MTMR12: variants seen among roughly 807,000 people sequenced by gnomAD.
MTMR12 encodes myotubularin related protein 12.
In MTMR12, 33 loss-of-function variants were observed where a neutral mutation model predicts 96.7. That is an observed-to-expected ratio of 0.34 (90% CI 0.26 to 0.46). MTMR12 has a LOEUF of 0.46. MTMR12 is among the 20% of genes least tolerant of loss of function. The pLI, the probability that MTMR12 is intolerant of heterozygous loss-of-function variation, is 1.00. For missense variants in MTMR12, 721 were observed against 896.1 expected (o/e 0.80, Z 2.49); for synonymous variants, 298 against 327.2 (o/e 0.91, Z 0.96).
intron 7 of MTMR12, among the ~76,000 whole-genome samples, chr5:32,261,764 G>C (rs1443165707): frequency 6.6e-6 from 1 of 152,170 alleles, no homozygotes; most frequent in African/African-American, 2.4e-5. Flanking sequence ...ATGAATAAAA[G>C]AAGTGCTCAA....
chr5:32,292,656 G>A (rs1750777561), intron 1 of MTMR12, among the ~76,000 whole-genome samples: 1 of 152,182 alleles, frequency 6.6e-6, no homozygotes, highest in Non-Finnish European at 1.5e-5. Flanking sequence ...GTATTACCAT[G>A]CCCTGCAATT....
intron 7 of MTMR12, among the ~76,000 whole-genome samples, chr5:32,261,094 G>A (rs1458804920): frequency 1.1e-4 from 17 of 151,474 alleles, no homozygotes; most frequent in Non-Finnish European, 1.5e-4. Context: ...TTAGTGGGGC[G>A]TGGTGGCAGG....
intron 10 of MTMR12, among the ~76,000 whole-genome samples, chr5:32,245,809 C>A (rs1382702083): frequency 6.6e-6 from 1 of 151,770 alleles, no homozygotes; most frequent in African/African-American, 2.4e-5. Context: ...GCCTGGGCAA[C>A]AGAGTGAGAA....
intron 12 of MTMR12, among the ~76,000 whole-genome samples, chr5:32,240,421 G>C (rs1205645259): frequency 6.7e-6 from 1 of 148,526 alleles, no homozygotes. Flanking sequence ...AAAAAGGAAT[G>C]AATTGTAACT....
At chr5:32,259,663 A>G (rs900643711) in intron 7 of MTMR12, among the ~76,000 whole-genome samples, 7 of 152,208 alleles carry the variant, frequency 4.6e-5, no homozygotes, top group Admixed American at 4.6e-4. Flanking sequence ...CATTGCAGGA[A>G]GCGCTGTGAA....
chr5:32,242,569 G>A (rs1225919002), intron 11 of MTMR12, among the ~76,000 whole-genome samples: 1 of 151,858 alleles, frequency 6.6e-6, no homozygotes, highest in African/African-American at 2.4e-5. Flanking sequence ...CTCTCTACAC[G>A]TTATTCCCTT....
At chr5:32,303,812 C>A (rs1751237529) in intron 1 of MTMR12, among the ~76,000 whole-genome samples, 1 of 117,762 alleles carries the variant, frequency 8.5e-6, no homozygotes, top group African/African-American at 3.3e-5. Context: ...GTTCTCTTGT[C>A]AATGGCTACA....
intron 13 of MTMR12, among the ~76,000 whole-genome samples, chr5:32,235,424 C>G (rs373587643): frequency 1.2e-4 from 19 of 152,326 alleles, no homozygotes; most frequent in African/African-American, 3.8e-4. Flanking sequence ...TAATAGAAAA[C>G]ACTAACTTAG....
At chr5:32,274,199 C>T in intron 2 of MTMR12, 77 bp from the exon 3 acceptor site, 8 of 1,507,940 alleles carry the variant, frequency 5.3e-6, no homozygotes, top group Non-Finnish European at 7.2e-6. Flanking sequence ...GCTTTCCAGC[C>T]CTATTTACAT....
intron 10 of MTMR12, 97 bp downstream of exon 10, chr5:32,247,905 G>GT (rs2112019977): frequency 2.0e-6 from 3 of 1,506,028 alleles, no homozygotes; most frequent in Non-Finnish European, 2.7e-6. Flanking sequence ...GCGTACTAAC[G>GT]TAAGGAACCC....
chr5:32,228,619 T>TATATATATATATCACATATATATG lies in MTMR12; in HGVS notation c.*1158_*1159insCATATATATGTGATATATATATAT, dbSNP rs1561727873. 1 of 129,972 alleles carries TATATATATATATCACATATATATG rather than the reference T, an allele frequency of 7.7e-6. No individual in the cohort carries two copies. The highest frequency in any genetic ancestry group is 1.6e-5 in the Non-Finnish European group (1 of 61,096). The allele number at this position is 129,972 out of a possible 1,614,324, so 8.1% of individuals were successfully genotyped here. The stretch of plus-strand genomic sequence containing the variant: ...ATATATATATATATCATATATATGA[T>TATATATATATATCACATATATATG]ATATATATATCACATATATATCATA... On this transcript the variant is annotated 3_prime_UTR_variant, in exon 16 of 16. Coordinates refer to ENST00000382142, the MANE Select transcript of MTMR12 (RefSeq NM_001040446.3).
intron 8 of MTMR12, among the ~76,000 whole-genome samples, chr5:32,250,256 G>C (rs1466614792): frequency 6.6e-6 from 1 of 152,050 alleles, no homozygotes; most frequent in East Asian, 1.9e-4. Flanking sequence ...TAAAATGAGA[G>C]GAAAACAGGC....
At position 32,312,864 on chromosome 5, in the gene MTMR12, C is replaced by T; in HGVS notation, c.-26G>A. On this transcript the variant is annotated 5_prime_UTR_variant, in exon 1 of 16. Transcript: ENST00000382142. The surrounding 1 kb of genome is among the most constrained non-coding windows in gnomAD (Gnocchi z 5.0). ...ACCGCCGCCCTGGGAAGCAGCGACG[C>T]GCGGACGCAGAGGCGGCGGCTCGGG... 6.6e-7 allele frequency: 1 copy of T among 1,512,646 alleles called. No individual in the cohort carries two copies. The highest frequency in any genetic ancestry group is 8.8e-7 in the Non-Finnish European group (1 of 1,135,654). The allele number at this position is 1,512,646 out of a possible 1,614,324, so 93.7% of individuals were successfully genotyped here. A position where few individuals can be genotyped will look rare whatever the true frequency, so the allele number is the denominator to read the frequency against.
intron 1 of MTMR12, among the ~76,000 whole-genome samples, chr5:32,301,286 G>C (rs1378795971): frequency 6.6e-6 from 1 of 152,050 alleles, no homozygotes; most frequent in Non-Finnish European, 1.5e-5. Context: ...GATAAAACAG[G>C]GGTACTTGCT....
intron 1 of MTMR12, among the ~76,000 whole-genome samples, chr5:32,289,741 C>T (rs1034747662): frequency 6.6e-6 from 1 of 152,190 alleles, no homozygotes; most frequent in Admixed American, 6.5e-5. Flanking sequence ...CATAGACATA[C>T]TTAGCAACTG....
chr5:32,308,484 GCT>G (rs1400662399), intron 1 of MTMR12, among the ~76,000 whole-genome samples: 1 of 152,098 alleles, frequency 6.6e-6, no homozygotes, highest in Non-Finnish European at 1.5e-5. Context: ...CAGACCCAGG[GCT>G]CTCAGAAGCA....
intron 1 of MTMR12, chr5:32,296,526 G>C: frequency 3.1e-6 from 1 of 324,636 alleles, no homozygotes; most frequent in Admixed American, 3.2e-5. Context: ...TGGGCATGGC[G>C]ATTTACACTT....
At chr5:32,243,626 G>A (rs773881364) in intron 10 of MTMR12, 27 bp from the exon 11 acceptor site, 15 of 1,451,576 alleles carry the variant, frequency 1.0e-5, no homozygotes, top group South Asian at 9.2e-5. Flanking sequence ...GAGTAAAGAC[G>A]TCAGGTCATT....
At chr5:32,300,291 A>G (rs571380410) in intron 1 of MTMR12, among the ~76,000 whole-genome samples, 1 of 152,192 alleles carries the variant, frequency 6.6e-6, no homozygotes, top group East Asian at 1.9e-4. Context: ...ATTTCTTCTC[A>G]TCCTCTAAAT....
Sources: allele counts gnomAD v4.1 joint callset (sites outside exome capture counted in the v4.1 genomes callset), GRCh38; gene constraint gnomAD v4.1.1; non-coding constraint Gnocchi (gnomAD v3.1); transcripts MANE v1.5; gene names NCBI Gene and HGNC (gene_info 2026-07-23, HGNC 2026-07-21).